The following KDM4C variants were observed in gnomAD, a reference collection of about 807,000 sequenced individuals.
KDM4C encodes lysine demethylase 4C.
A neutral mutation model predicts 129.3 loss-of-function variants in KDM4C; 81 were observed. That is an observed-to-expected ratio of 0.63 (90% CI 0.52 to 0.75). The LOEUF is 0.75. Among genes scored for constraint, KDM4C ranks in the 30% least tolerant of loss-of-function variants. The pLI is 0.00. For missense variants in KDM4C, 1,457 were observed against 1,304.0 expected (o/e 1.12, Z -1.81); for synonymous variants, 573 against 456.1 (o/e 1.26, Z -3.26).
intron 12 of KDM4C, among the ~76,000 whole-genome samples, chr9:6,991,487 T>C: frequency 6.6e-6 from 1 of 152,042 alleles, no homozygotes; most frequent in Non-Finnish European, 1.5e-5. Flanking sequence ...CCTAGCATCA[T>C]GAAGGCCTTA....
In KDM4C at chr9:6,918,923, C is replaced by T. The variant is rs1013851448; in HGVS notation, c.921+25691C>T. On this transcript the variant is annotated intron_variant, in intron 8 of 21. Transcript: ENST00000381309. Reference sequence around the variant, plus strand: ...CTGGAGCGCAGTGGCACAGTCTTAGCTCACTGCAACCTCTGCTGCCTGGGT... The same window carrying T: ...CTGGAGCGCAGTGGCACAGTCTTAGTTCACTGCAACCTCTGCTGCCTGGGT... 2.6e-5 allele frequency among the ~76,000 whole-genome samples: 4 copies of T among 152,082 alleles called. No homozygotes were observed. The East Asian group carries it at 5.8e-4, about 22-fold the overall frequency.
chr9:7,163,113 A>G (rs769654059), intron 19 of KDM4C, among the ~76,000 whole-genome samples: 2 of 152,138 alleles, frequency 1.3e-5, no homozygotes, highest in Non-Finnish European at 2.9e-5. Context: ...CTCTGTCTGC[A>G]TGATGGCTCC....
intron 20 of KDM4C, among the ~76,000 whole-genome samples, chr9:7,168,492 G>A (rs1844629689): frequency 6.6e-6 from 1 of 152,058 alleles, no homozygotes; most frequent in Non-Finnish European, 1.5e-5. Context: ...CTGTTAGCTG[G>A]TGTTATTTAC....
chr9:7,143,215 G>C (rs984525884), intron 19 of KDM4C, among the ~76,000 whole-genome samples: 11 of 152,144 alleles, frequency 7.2e-5, no homozygotes, highest in Admixed American at 3.9e-4. Flanking sequence ...GCCTCTATAC[G>C]CAGATCTATA....
At chr9:7,039,635 A>C (rs1828224776) in intron 15 of KDM4C, among the ~76,000 whole-genome samples, 1 of 152,078 alleles carries the variant, frequency 6.6e-6, no homozygotes, top group Non-Finnish European at 1.5e-5. Flanking sequence ...ATTAACACAC[A>C]GTTTATATGT....
Position 6,750,828 on chromosome 9 carries a change from C to G in KDM4C, c.49+29831C>G, listed in dbSNP as rs72699607. Among the ~76,000 whole-genome samples the G allele has an allele frequency of 1.1e-3, 172 of 152,242 alleles. 3 individuals are homozygous for G. In the Middle Eastern group the frequency reaches 0.024, roughly 21 times the overall value. ...CAGTGGTTTATCATTTTTTACTATT[C>G]TCTGGGTTAGCTGACAGTTAACTGC... is the stretch of plus-strand genomic sequence containing the variant. On this transcript the variant is annotated intron_variant, in intron 1 of 17. Coordinates refer to the KDM4C transcript ENST00000536108.
chr9:6,926,465 TCA>T (rs1822579291), intron 8 of KDM4C, among the ~76,000 whole-genome samples: 1 of 152,126 alleles, frequency 6.6e-6, no homozygotes. Flanking sequence ...GTGGCCATAT[TCA>T]GTTTCTTTTT....
chr9:6,974,925 C>G (rs1019780389), intron 8 of KDM4C: 1 of 152,168 alleles, frequency 6.6e-6, no homozygotes, highest in Non-Finnish European at 1.5e-5. Context: ...CACAACCTTT[C>G]TATCAGATAT....
chr9:6,796,139 G>C (rs1274777189), intron 2 of KDM4C, among the ~76,000 whole-genome samples: 1 of 152,150 alleles, frequency 6.6e-6, no homozygotes, highest in Non-Finnish European at 1.5e-5. Context: ...TATTGGGTTA[G>C]CTCATCAAAA....
chr9:7,083,967 T>C (rs972879986), intron 17 of KDM4C, among the ~76,000 whole-genome samples: 1 of 152,152 alleles, frequency 6.6e-6, no homozygotes, highest in African/African-American at 2.4e-5. Context: ...AGAATTATAG[T>C]GTGCAGGGCA....
intron 17 of KDM4C, among the ~76,000 whole-genome samples, chr9:7,095,241 C>T (rs1836284054): frequency 6.6e-6 from 1 of 152,186 alleles, no homozygotes; most frequent in African/African-American, 2.4e-5. Flanking sequence ...AGTAAACATA[C>T]ATGAAACAGA....
chr9:7,090,356 C>T (rs1348420163), intron 17 of KDM4C, among the ~76,000 whole-genome samples: 1 of 152,034 alleles, frequency 6.6e-6, no homozygotes, highest in Non-Finnish European at 1.5e-5. Context: ...AAATATTTAT[C>T]TCCACAGCTT....
intron 12 of KDM4C, among the ~76,000 whole-genome samples, chr9:6,993,931 G>A (rs1819219581): frequency 6.6e-6 from 1 of 151,976 alleles, no homozygotes; most frequent in Non-Finnish European, 1.5e-5. Flanking sequence ...CCTTAACTTT[G>A]CGACGTGAGT....
At chr9:6,966,268 C>T (rs539517349) in intron 8 of KDM4C, among the ~76,000 whole-genome samples, 10 of 152,194 alleles carry the variant, frequency 6.6e-5, no homozygotes, top group South Asian at 6.2e-4. Flanking sequence ...CTGCAAGCTC[C>T]GCCTTCCAGG....
At chr9:7,015,783 A>G in intron 14 of KDM4C, 70 bp from the exon 15 acceptor site, 1 of 1,023,318 alleles carries the variant, frequency 9.8e-7, no homozygotes, top group Non-Finnish European at 1.5e-6. Context: ...TATTTATTTC[A>G]GTACTGAGAT....
intron 4 of KDM4C, among the ~76,000 whole-genome samples, chr9:6,847,193 T>C (rs904815344): frequency 2.6e-5 from 4 of 152,236 alleles, no homozygotes; most frequent in Admixed American, 1.3e-4. Flanking sequence ...AAATGGTTCC[T>C]ATAATATGGT....
chr9:7,029,291 CCG>C (rs1226778977), intron 15 of KDM4C, among the ~76,000 whole-genome samples: 4 of 92,952 alleles, frequency 4.3e-5, no homozygotes, highest in Admixed American at 2.4e-4. Context: ...TTTCCCCCCA[CCG>C]TTTTTTTTTT....
chr9:6,853,364 C>T (rs757519458), intron 5 of KDM4C, among the ~76,000 whole-genome samples: 142 of 152,060 alleles, frequency 9.3e-4, no homozygotes, highest in African/African-American at 3.2e-3. Flanking sequence ...TAGTGGCTCA[C>T]GCCTGTAGCC....
At chr9:7,172,353 C>T (rs1845050101) in intron 21 of KDM4C, among the ~76,000 whole-genome samples, 1 of 152,150 alleles carries the variant, frequency 6.6e-6, no homozygotes, top group South Asian at 2.1e-4. Flanking sequence ...CACAGAATAA[C>T]CATAGCAACG....
Sources: allele counts gnomAD v4.1 joint callset (sites outside exome capture counted in the v4.1 genomes callset), GRCh38; gene constraint gnomAD v4.1.1; transcripts MANE v1.5; gene names NCBI Gene and HGNC (gene_info 2026-07-23, HGNC 2026-07-21).